Variants in PLEKHA7 observed in about 807,000 individuals in gnomAD.
PLEKHA7 encodes pleckstrin homology domain containing A7, also known as pleckstrin homology domain-containing family A member 7.
A neutral mutation model predicts 170.0 loss-of-function variants in PLEKHA7; 104 were observed. The ratio of observed to expected loss-of-function variants is 0.61; its 90% CI spans 0.52 to 0.72. The LOEUF (loss-of-function observed/expected upper bound fraction) is 0.72. Ranked by LOEUF, PLEKHA7 falls within the 30% of genes least tolerant of loss-of-function variation. PLEKHA7 has a pLI of 0.00. For missense variants in PLEKHA7, 1,615 were observed against 1,671.7 expected, an observed-to-expected ratio of 0.97 and a Z score of 0.59; for synonymous variants, 648 against 660.8, an observed-to-expected ratio of 0.98 and a Z score of 0.30.
chr11:17,007,019 T>C (rs932849016), intron 3 of PLEKHA7, among the ~76,000 whole-genome samples: 2 of 152,230 alleles, frequency 1.3e-5, no homozygotes, highest in Admixed American at 6.5e-5. Flanking sequence ...GAAGGACTCA[T>C]GCCTGGTCCC....
intron 3 of PLEKHA7, among the ~76,000 whole-genome samples, chr11:16,897,785 C>A (rs537771812): frequency 6.6e-6 from 1 of 152,252 alleles, no homozygotes; most frequent in South Asian, 2.1e-4. Flanking sequence ...CAGCGGAGAG[C>A]ATTTGCCTGC....
chr11:16,838,135 A>C (rs549524694), intron 9 of PLEKHA7, among the ~76,000 whole-genome samples: 1 of 152,334 alleles, frequency 6.6e-6, no homozygotes, highest in East Asian at 1.9e-4. Context: ...ACAGGAAAGG[A>C]GGCAGCAAGA....
chr11:16,990,260 C>T (rs1284723863), intron 3 of PLEKHA7, among the ~76,000 whole-genome samples: 1 of 104,888 alleles, frequency 9.5e-6, no homozygotes, highest in African/African-American at 3.9e-5. Flanking sequence ...GGCAACAGAG[C>T]AAGACCCTGT....
intron 3 of PLEKHA7, among the ~76,000 whole-genome samples, chr11:16,899,429 G>A (rs377234193): frequency 6.6e-5 from 10 of 152,314 alleles, no homozygotes; most frequent in African/African-American, 9.6e-5. Flanking sequence ...CCTGGGAGGC[G>A]GAGGTTGTGG....
chr11:16,913,188 C>A (rs1259628880), intron 3 of PLEKHA7, among the ~76,000 whole-genome samples: 4 of 152,148 alleles, frequency 2.6e-5, no homozygotes, highest in Admixed American at 2.6e-4. Flanking sequence ...GTACATTTAC[C>A]GCTTGGCCAA....
chr11:16,916,308 T>C (rs1858674204), intron 3 of PLEKHA7, among the ~76,000 whole-genome samples: 1 of 152,188 alleles, frequency 6.6e-6, no homozygotes, highest in Non-Finnish European at 1.5e-5. Flanking sequence ...TTTTGTAGGT[T>C]GCCTGTTCAC....
At chr11:16,857,136 A>G (rs937710433) in intron 4 of PLEKHA7, among the ~76,000 whole-genome samples, 1 of 152,224 alleles carries the variant, frequency 6.6e-6, no homozygotes, top group Non-Finnish European at 1.5e-5. Context: ...TGCTCAAAAG[A>G]TAAGTGATCC....
chr11:16,920,447 AAAAC>A (rs1319880399), intron 3 of PLEKHA7, among the ~76,000 whole-genome samples: 1 of 151,694 alleles, frequency 6.6e-6, no homozygotes, highest in Non-Finnish European at 1.5e-5. Context: ...CTAAACAAAC[AAAAC>A]AAAGAGAAAA....
At chr11:16,788,942 G>T in intron 23 of PLEKHA7, 154 bp downstream of exon 23, 1 of 941,340 alleles carries the variant, frequency 1.1e-6, no homozygotes, top group Non-Finnish European at 1.6e-6. Context: ...TCCAGCCTGG[G>T]TCGTGGACAA....
chr11:16,830,396 C>T (rs1217891759), intron 9 of PLEKHA7, among the ~76,000 whole-genome samples: 4 of 152,164 alleles, frequency 2.6e-5, no homozygotes, highest in Admixed American at 6.5e-5. Flanking sequence ...CTGGCCAAGT[C>T]GCTGAAGATT....
chr11:16,829,166 A>G (rs1181873046), intron 9 of PLEKHA7, among the ~76,000 whole-genome samples: 1 of 150,664 alleles, frequency 6.6e-6, no homozygotes, highest in Non-Finnish European at 1.5e-5. Context: ...TGTTTTAATT[A>G]GCTCTGCTAA....
At chr11:16,788,900 C>G in intron 23 of PLEKHA7, 196 bp downstream of exon 23, 2 of 669,756 alleles carry the variant, frequency 3.0e-6, no homozygotes, top group Non-Finnish European at 5.0e-6. Flanking sequence ...CACTCCAGCT[C>G]TGGTTCAGGT....
Position 16,789,675 on chromosome 11 carries a change from T to A in PLEKHA7, c.3156+100A>T, listed in dbSNP as rs534877282. 6 of 1,080,228 alleles carry A rather than the reference T, an allele frequency of 5.6e-6. No homozygotes were observed. In the South Asian group the frequency reaches 6.0e-5, roughly 11 times the overall value. 66.9% of individuals were successfully genotyped at this position (1,080,228 alleles called of 1,614,324 possible). A position where few individuals can be genotyped will look rare whatever the true frequency, so the allele number is the denominator to read the frequency against. ...GGGGCTGAGGCCACCCCAGAGGCCA[T>A]CCCCAGGGCTGAAGGGATGGCCAGT... On this transcript the variant is annotated intron_variant, in intron 22 of 26. Transcript: ENST00000531066. The surrounding 1 kb of genome is among the most constrained non-coding windows in gnomAD (Gnocchi z 4.6).
At chr11:16,975,826 A>C (rs1196517123) in intron 3 of PLEKHA7, among the ~76,000 whole-genome samples, 12 of 152,200 alleles carry the variant, frequency 7.9e-5, no homozygotes, top group African/African-American at 2.9e-4. Context: ...TAACTTTATG[A>C]CTTTTTTAAA....
rs1335701697 is a variant in PLEKHA7, at chr11:16,794,982, C to A, written c.2446G>T (p.Glu816Ter). The change falls in exon 18 of 27, where the codon GAA becomes TAA. Residue 816 changes from glutamate (E) to a stop codon, truncating the protein, a stop_gained. Coordinates refer to ENST00000531066, the MANE Select transcript of PLEKHA7 (RefSeq NM_001329630.2). LOFTEE classifies it high-confidence loss of function. Reference sequence around the variant, plus strand: ...GCACTCAGGCCTGCAGTGACATCTTCAATTCTCCATAGATCTTTCTGTATC... The same window carrying A: ...GCACTCAGGCCTGCAGTGACATCTTAAATTCTCCATAGATCTTTCTGTATC... ...SQIQKDLWRI[E>*]DVTAGLSANK... 7 of 1,614,044 alleles carry A rather than the reference C, an allele frequency of 4.3e-6. No individual in the cohort carries two copies. Among genetic ancestry groups the A allele is most frequent in the Non-Finnish European group, 5.9e-6 (7 of 1,179,912 alleles).
Position 16,794,943 on chromosome 11 carries a change from A to G in PLEKHA7, c.2485T>C (p.Phe829Leu). The change falls in exon 18 of 27, where the codon TTC becomes CTC. Residue 829 changes from phenylalanine (F) to leucine (L), a missense_variant. By Grantham distance (22) the Phe-to-Leu change is conservative (BLOSUM62 0). Coordinates refer to ENST00000531066, the MANE Select transcript of PLEKHA7 (RefSeq NM_001329630.2). ...TTTACTGACTCCACTAGAATTCTGA[A>G]GTTCTCTTTATTTGCACTCAGGCCT... ...TAGLSANKEN[F>L]RILVESVKNP... The G allele has an allele frequency of 6.2e-7, 1 of 1,613,482 alleles. No homozygotes were observed. Among genetic ancestry groups the G allele is most frequent in the Non-Finnish European group, 8.5e-7 (1 of 1,179,574 alleles).
In PLEKHA7 at chr11:16,817,160, G is replaced by A. The variant is rs1163792324; in HGVS notation, c.1506C>T (p.Ala502=). ...CTTCACTCGACATCTTCAGGTGGCT[G>A]GCTCGGTCCTGCGCATACTTGTAGT... ...PSDYKYAQDR[A]SHLKMSSEER... The change falls in exon 11 of 27, where the codon GCC becomes GCT. Residue 502 remains alanine (A), a synonymous_variant. Coordinates refer to ENST00000531066, the MANE Select transcript of PLEKHA7 (RefSeq NM_001329630.2). This position sits in a 1 kb window ranked among gnomAD's most constrained non-coding sequence, Gnocchi z 4.4. 6.2e-7 allele frequency: 1 copy of A among 1,614,110 alleles called. No homozygotes were observed. Among genetic ancestry groups the A allele is most frequent in the African/African-American group, 1.3e-5 (1 of 74,956 alleles).
intron 8 of PLEKHA7, 49 bp from the exon 9 acceptor site, chr11:16,841,771 T>C: frequency 3.2e-6 from 5 of 1,581,648 alleles, no homozygotes; most frequent in Non-Finnish European, 4.3e-6. Flanking sequence ...ATCACACATT[T>C]CCTTTATAGG....
At chr11:16,947,106 C>T (rs1266794030) in intron 3 of PLEKHA7, among the ~76,000 whole-genome samples, 29 of 152,166 alleles carry the variant, frequency 1.9e-4, no homozygotes, top group Admixed American at 1.9e-3. Context: ...GACTAGGCTA[C>T]TGTTTTCTCA....
Sources: gnomAD v4.1 joint callset for allele counts (sites outside exome capture counted in the v4.1 genomes callset) on GRCh38, gnomAD v4.1.1 for gene constraint, Gnocchi (gnomAD v3.1) non-coding constraint, MANE v1.5 for transcripts, NCBI Gene and HGNC (gene_info 2026-07-23, HGNC 2026-07-21) for gene names.